Variants in NFIB observed in about 807,000 individuals in gnomAD.
The protein encoded by NFIB is nuclear factor 1 B-type.
In NFIB, 11 loss-of-function variants were observed where a neutral mutation model predicts 61.5. That is an observed-to-expected ratio of 0.18 (90% CI 0.11 to 0.30). The LOEUF (loss-of-function observed/expected upper bound fraction) is 0.30. Ranked by LOEUF, NFIB falls within the 10% of genes least tolerant of loss-of-function variation. The pLI is 1.00. For synonymous variants in NFIB, 260 were observed against 216.5 expected (o/e 1.20, Z -1.76); for missense variants, 471 against 608.9 (o/e 0.77, Z 2.38).
chr9:14,458,638 C>T, the NFIB span, among the ~76,000 whole-genome samples: 1 of 152,178 alleles, frequency 6.6e-6, no homozygotes, highest in African/African-American at 2.4e-5. Flanking sequence ...AGCTCAAAAT[C>T]TTCTTAAGCT....
At chr9:14,097,874 TC>T (rs2035087199) in intron 10 of NFIB, among the ~76,000 whole-genome samples, 3 of 141,510 alleles carry the variant, frequency 2.1e-5, no homozygotes, top group Admixed American at 7.2e-5. Flanking sequence ...CTTTCTTTTT[TC>T]TTTTTTTTTT....
chr9:14,372,421 G>A (rs143336799), intron 1 of NFIB, among the ~76,000 whole-genome samples: 9 of 152,264 alleles, frequency 5.9e-5, no homozygotes, highest in African/African-American at 2.2e-4. Context: ...ACCACTGATC[G>A]AAATAATAAA....
intron 2 of NFIB, among the ~76,000 whole-genome samples, chr9:14,227,953 T>C (rs1242931251): frequency 2.0e-5 from 3 of 152,230 alleles, no homozygotes; most frequent in African/African-American, 7.2e-5. Flanking sequence ...TTTATTTTTA[T>C]ATACTTCAAC....
intron 2 of NFIB, among the ~76,000 whole-genome samples, chr9:14,194,498 A>C (rs1411783329): frequency 6.6e-6 from 1 of 152,166 alleles, no homozygotes; most frequent in Non-Finnish European, 1.5e-5. Context: ...CTTTTAACCA[A>C]ATTTTTTATT....
intron 1 of NFIB, among the ~76,000 whole-genome samples, chr9:14,396,810 C>T (rs969250314): frequency 2.6e-5 from 4 of 152,146 alleles, no homozygotes; most frequent in South Asian, 2.1e-4. Context: ...GTCACAGGAG[C>T]CTGTGACCCA....
At chr9:14,406,097 G>A in the NFIB span, among the ~76,000 whole-genome samples, 1 of 152,080 alleles carries the variant, frequency 6.6e-6, no homozygotes, top group African/African-American at 2.4e-5. Flanking sequence ...TATTACAAGT[G>A]GCCAAGGAGG....
chr9:14,173,523 C>T (rs946239143), intron 3 of NFIB, among the ~76,000 whole-genome samples: 1 of 152,174 alleles, frequency 6.6e-6, no homozygotes. Flanking sequence ...GTGTAACTCA[C>T]ATTTTTATCT....
At chr9:14,248,701 T>G (rs954536992) in intron 2 of NFIB, among the ~76,000 whole-genome samples, 7 of 152,154 alleles carry the variant, frequency 4.6e-5, no homozygotes, top group African/African-American at 1.7e-4. Flanking sequence ...GCAGGAGACT[T>G]AAGCATAGCC....
chr9:14,479,012 A>C, the NFIB span, among the ~76,000 whole-genome samples: 1 of 152,226 alleles, frequency 6.6e-6, no homozygotes, highest in African/African-American at 2.4e-5. Flanking sequence ...TCATCCTTGC[A>C]GATGTTAAAT....
chr9:14,094,010 C>T (rs1275015870), intron 10 of NFIB, among the ~76,000 whole-genome samples: 1 of 152,046 alleles, frequency 6.6e-6, no homozygotes, highest in African/African-American at 2.4e-5. Context: ...ATCCTCATAA[C>T]AAATCTATGA....
At chr9:14,494,080 G>A in the NFIB span, among the ~76,000 whole-genome samples, 1 of 152,132 alleles carries the variant, frequency 6.6e-6, no homozygotes, top group Non-Finnish European at 1.5e-5. Context: ...GGGTTTTCTG[G>A]TTTGTCTTTT....
the NFIB span, among the ~76,000 whole-genome samples, chr9:14,481,827 T>C: frequency 6.6e-6 from 1 of 152,168 alleles, no homozygotes; most frequent in African/African-American, 2.4e-5. Flanking sequence ...GTAGAAATCA[T>C]GCTTTTTGGT....
At chr9:14,491,512 T>A in the NFIB span, among the ~76,000 whole-genome samples, 2 of 152,184 alleles carry the variant, frequency 1.3e-5, no homozygotes, top group African/African-American at 4.8e-5. Context: ...AAGATAGGGC[T>A]GAGAGAAAGT....
At chr9:14,377,484 T>G (rs1031773636) in intron 1 of NFIB, among the ~76,000 whole-genome samples, 1 of 152,020 alleles carries the variant, frequency 6.6e-6, no homozygotes, top group African/African-American at 2.4e-5. Context: ...CCCAAAGTGC[T>G]AGGATTACAG....
chr9:14,470,774 A>T, the NFIB span, among the ~76,000 whole-genome samples: 1 of 152,192 alleles, frequency 6.6e-6, no homozygotes, highest in Non-Finnish European at 1.5e-5. Flanking sequence ...CTAAAAGAAG[A>T]CTGGACAAAG....
At chr9:14,389,628 A>G (rs902642191) in intron 1 of NFIB, among the ~76,000 whole-genome samples, 8 of 152,146 alleles carry the variant, frequency 5.3e-5, no homozygotes, top group Non-Finnish European at 7.4e-5. Context: ...TGTCTACTTT[A>G]TATCCAAAAA....
the NFIB span, among the ~76,000 whole-genome samples, chr9:14,409,956 AAC>A: frequency 6.6e-6 from 1 of 152,188 alleles, no homozygotes; most frequent in African/African-American, 2.4e-5. Flanking sequence ...ATGATTTGGA[AAC>A]ACAGATAAGT....
intron 1 of NFIB, chr9:14,321,827 A>G: frequency 8.5e-7 from 1 of 1,179,540 alleles, no homozygotes; most frequent in African/African-American, 1.6e-5. Context: ...AAAGGGGTAA[A>G]ACAGCCACTT....
At chr9:14,126,075 T>C (rs961913768) in intron 6 of NFIB, among the ~76,000 whole-genome samples, 1 of 152,196 alleles carries the variant, frequency 6.6e-6, no homozygotes, top group African/African-American at 2.4e-5. Flanking sequence ...ACAAAGGCCT[T>C]CTTTACCTCA....
Sources: gnomAD v4.1 joint callset for allele counts (sites outside exome capture counted in the v4.1 genomes callset) on GRCh38, gnomAD v4.1.1 for gene constraint, MANE v1.5 for transcripts, NCBI Gene and HGNC (gene_info 2026-07-23, HGNC 2026-07-21) for gene names.